Variants in GPD2 observed in about 807,000 individuals in gnomAD.
GPD2 encodes the protein glycerol-3-phosphate dehydrogenase, mitochondrial.
Under a neutral mutation model 82.4 loss-of-function variants are expected in GPD2, and 54 were observed. The observed-to-expected ratio is 0.66, with a 90% CI of 0.53 to 0.82. GPD2 has a LOEUF of 0.82. GPD2 is among the 40% of genes least tolerant of loss of function. The pLI is 0.00. For synonymous variants in GPD2, 288 were observed against 306.1 expected (o/e 0.94, Z 0.62); for missense variants, 748 against 896.2 (o/e 0.83, Z 2.11).
At chr2:156,538,597 G>T (rs1686171872) in intron 6 of GPD2, among the ~76,000 whole-genome samples, 4 of 152,024 alleles carry the variant, frequency 2.6e-5, no homozygotes, top group Non-Finnish European at 4.4e-5. Flanking sequence ...AAGGTGGGTG[G>T]ATCACGAGGT....
chr2:156,450,475 G>T (rs1381415372), intron 1 of GPD2, among the ~76,000 whole-genome samples: 5 of 151,962 alleles, frequency 3.3e-5, no homozygotes, highest in African/African-American at 1.2e-4. Flanking sequence ...AGAAGAGCGT[G>T]GTGTCTCTGA....
chr2:156,495,367 T>A (rs541330522), intron 2 of GPD2, among the ~76,000 whole-genome samples: 68 of 152,270 alleles, frequency 4.5e-4, no homozygotes, highest in African/African-American at 1.6e-3. Context: ...TCCAACAAAC[T>A]GTAATGGTAT....
chr2:156,504,652 C>G lies in GPD2; in HGVS notation c.275-6144C>G, dbSNP rs146935711. Among the ~76,000 whole-genome samples the G allele has an allele frequency of 2.4e-3, 361 of 151,726 alleles. 4 individuals carry two copies. Among genetic ancestry groups the G allele is most frequent in the African/African-American group, 7.7e-3 (319 of 41,406 alleles). The stretch of plus-strand genomic sequence containing the variant: ...TGAAAATATAATCTTGCAGCACTAT[C>G]TGTAATAGTGAAACAATGGGATAAT... On this transcript the variant is annotated intron_variant, in intron 3 of 16. Transcript: ENST00000438166.
chr2:156,402,910 T>C, the GPD2 span, among the ~76,000 whole-genome samples: 1 of 152,084 alleles, frequency 6.6e-6, no homozygotes, highest in Non-Finnish European at 1.5e-5. Flanking sequence ...TCAAAGTTTT[T>C]ATTTTGAACG....
intron 6 of GPD2, among the ~76,000 whole-genome samples, chr2:156,533,135 G>T (rs1254063644): frequency 6.6e-6 from 1 of 152,160 alleles, no homozygotes; most frequent in East Asian, 1.9e-4. Flanking sequence ...TGGTGCAGTG[G>T]GTTGTGACCA....
chr2:156,573,229 A>G (rs990635685), intron 13 of GPD2, among the ~76,000 whole-genome samples: 1 of 152,214 alleles, frequency 6.6e-6, no homozygotes, highest in African/African-American at 2.4e-5. Context: ...CTGAGAAAAC[A>G]GGTTCACAGA....
intron 6 of GPD2, among the ~76,000 whole-genome samples, chr2:156,539,031 G>A (rs1458905116): frequency 6.6e-6 from 1 of 152,084 alleles, no homozygotes; most frequent in Non-Finnish European, 1.5e-5. Flanking sequence ...CCCATATAAA[G>A]TTTCCAAATA....
At chr2:156,543,083 C>T (rs775906026) in intron 6 of GPD2, among the ~76,000 whole-genome samples, 15 of 152,144 alleles carry the variant, frequency 9.9e-5, no homozygotes, top group Non-Finnish European at 1.8e-4. Context: ...AAAAACCCTG[C>T]TTGCTACCTT....
chr2:156,400,823 C>T, the GPD2 span, among the ~76,000 whole-genome samples: 11 of 152,192 alleles, frequency 7.2e-5, no homozygotes, highest in Admixed American at 5.2e-4. Context: ...GTCCCGGGTT[C>T]AATCCCCGGC....
chr2:156,546,228 A>G (rs1686526988), intron 6 of GPD2, among the ~76,000 whole-genome samples: 1 of 152,212 alleles, frequency 6.6e-6, no homozygotes, highest in Non-Finnish European at 1.5e-5. Flanking sequence ...GTGATTAGTG[A>G]AAAACAGTAT....
chr2:156,505,311 A>G lies in GPD2; in HGVS notation c.275-5485A>G, dbSNP rs1241379063. On this transcript the variant is annotated intron_variant, in intron 3 of 16. Coordinates refer to ENST00000438166, the MANE Select transcript of GPD2 (RefSeq NM_000408.5). The stretch of plus-strand genomic sequence containing the variant: ...GATTTCAAGTTGACTTTATTCTTCT[A>G]CTCTAACTAATCTTGTTATTCTGCC... Among the ~76,000 whole-genome samples the G allele has an allele frequency of 2.0e-5, 3 of 152,182 alleles. No individual in the cohort carries two copies. The East Asian group carries it at 5.8e-4, about 29-fold the overall frequency.
intron 3 of GPD2, chr2:156,501,686 T>G (rs1684589411): frequency 5.9e-6 from 1 of 168,138 alleles, no homozygotes; most frequent in African/African-American, 2.4e-5. Context: ...GTTTGCTCTT[T>G]GCTGGACACA....
chr2:156,574,561 T>C (rs905336885), intron 13 of GPD2, among the ~76,000 whole-genome samples: 2 of 152,054 alleles, frequency 1.3e-5, no homozygotes, highest in Admixed American at 1.3e-4. Context: ...AGAGAAAACA[T>C]GTAAGTAGAC....
At chr2:156,505,351 A>G (rs983975662) in intron 3 of GPD2, among the ~76,000 whole-genome samples, 7 of 152,250 alleles carry the variant, frequency 4.6e-5, no homozygotes, top group Admixed American at 1.3e-4. Context: ...ATTTCAGGTA[A>G]TGTTACTCCA....
the GPD2 span, among the ~76,000 whole-genome samples, chr2:156,424,676 T>C: frequency 7.9e-5 from 12 of 152,362 alleles, no homozygotes; most frequent in African/African-American, 2.9e-4. Flanking sequence ...TGTTCTTGTT[T>C]TATTGCCTTT....
At chr2:156,443,935 A>T (rs1415161851) in intron 1 of GPD2, among the ~76,000 whole-genome samples, 3 of 152,194 alleles carry the variant, frequency 2.0e-5, no homozygotes, top group Non-Finnish European at 4.4e-5. Context: ...GGGACAGCGC[A>T]TTGGGGACCA....
chr2:156,447,629 A>G (rs908329113), intron 1 of GPD2, among the ~76,000 whole-genome samples: 30 of 152,024 alleles, frequency 2.0e-4, no homozygotes, highest in African/African-American at 7.2e-4. Flanking sequence ...GCCTGGCCCA[A>G]CTCTGCTCTT....
chr2:156,458,899 A>G (rs559921108), intron 1 of GPD2, among the ~76,000 whole-genome samples: 1 of 152,212 alleles, frequency 6.6e-6, no homozygotes, highest in Admixed American at 6.5e-5. Context: ...AAAATGATTC[A>G]TAATACTACC....
chr2:156,564,696 T>G (rs1221758344), intron 9 of GPD2, among the ~76,000 whole-genome samples: 2 of 152,128 alleles, frequency 1.3e-5, no homozygotes, highest in African/African-American at 4.8e-5. Flanking sequence ...TCCAACCACC[T>G]TCTGGTCTAA....
Sources: gnomAD v4.1 joint callset for allele counts (sites outside exome capture counted in the v4.1 genomes callset) on GRCh38, gnomAD v4.1.1 for gene constraint, MANE v1.5 for transcripts, NCBI Gene and HGNC (gene_info 2026-07-23, HGNC 2026-07-21) for gene names.